LMLN: variants seen among roughly 807,000 people sequenced by gnomAD.
LMLN encodes the protein leishmanolysin-like peptidase.
A neutral mutation model predicts 92.3 loss-of-function variants in LMLN; 70 were observed. That is an observed-to-expected ratio of 0.76 (90% confidence interval 0.63 to 0.92). The LOEUF is 0.92. Among genes scored for constraint, LMLN ranks in the 40% least tolerant of loss-of-function variants. The pLI, the probability that LMLN is intolerant of heterozygous loss-of-function variation, is 0.00. For missense variants in LMLN, 691 were observed against 814.6 expected, an observed-to-expected ratio of 0.85 and a Z score of 1.85; for synonymous variants, 308 against 296.2, an observed-to-expected ratio of 1.04 and a Z score of -0.41.
At chr3:198,021,773 C>T (rs1722790843) in intron 13 of LMLN, among the ~76,000 whole-genome samples, 168 bp downstream of exon 14, 1 of 152,186 alleles carries the variant, frequency 6.6e-6, no homozygotes, top group Admixed American at 6.5e-5. Context: ...CTGCCTGTTT[C>T]TTCATCTGTA....
At chr3:198,020,936 T>TA (rs1560152935) in intron 12 of LMLN, among the ~76,000 whole-genome samples, 1 of 151,308 alleles carries the variant, frequency 6.6e-6, no homozygotes, top group African/African-American at 2.4e-5. Context: ...AAATTAATTT[T>TA]AAAAAAAAGG....
intron 10 of LMLN, among the ~76,000 whole-genome samples, chr3:197,997,467 A>G (rs1361591431): frequency 6.6e-6 from 1 of 152,214 alleles, no homozygotes; most frequent in Non-Finnish European, 1.5e-5. Context: ...ATCAGCAGCA[A>G]TAATAACCCA....
At chr3:197,980,723 A>C in intron 6 of LMLN, 1 of 416,650 alleles carries the variant, frequency 2.4e-6, no homozygotes. Context: ...GAAAGAGAGA[A>C]AAGTGAAGCA....
At position 198,007,081 on chromosome 3, in the gene LMLN, T is replaced by C. The variant is rs559508892; in HGVS notation, c.1232+7739T>C. On this transcript the variant is annotated intron_variant, in intron 11 of 15. Coordinates refer to ENST00000330198, the Ensembl canonical transcript of LMLN. ...CATGTATTTTGGGTATTTTGGGTAG[T>C]AGTAGTCCTTTGTCAGATATGTGGT... Among the ~76,000 whole-genome samples the C allele has an allele frequency of 2.2e-3, 341 of 152,302 alleles. 1 individual carries two copies. Among genetic ancestry groups the C allele is most frequent in the African/African-American group, 7.8e-3 (326 of 41,564 alleles).
At chr3:197,994,746 G>C (rs1376146492) in intron 9 of LMLN, 1 of 152,168 alleles carries the variant, frequency 6.6e-6, no homozygotes, top group Admixed American at 6.5e-5. Context: ...AAGAAGTGTT[G>C]GTGAGGATGT....
intron 6 of LMLN, among the ~76,000 whole-genome samples, chr3:197,983,735 T>G (rs1348715307): frequency 1.3e-5 from 2 of 152,142 alleles, no homozygotes; most frequent in African/African-American, 4.8e-5. Flanking sequence ...TATAATCAAG[T>G]ATGTCCTTTT....
At chr3:197,988,742 C>T (rs748450840) in intron 8 of LMLN, among the ~76,000 whole-genome samples, 4 of 151,936 alleles carry the variant, frequency 2.6e-5, no homozygotes, top group Non-Finnish European at 4.4e-5. Context: ...AGTGCTGTGG[C>T]GCGATCTCGG....
intron 1 of LMLN, among the ~76,000 whole-genome samples, chr3:197,962,308 AT>A (rs34477302): frequency 0.018 from 2,804 of 152,198 alleles, 40 homozygotes; most frequent in African/African-American, 0.037. Context: ...TGTGATAGTA[AT>A]TTATTCCTTT....
At chr3:198,013,476 C>T (rs1296404273) in intron 11 of LMLN, among the ~76,000 whole-genome samples, 2 of 136,052 alleles carry the variant, frequency 1.5e-5, no homozygotes, top group Non-Finnish European at 3.1e-5. Context: ...CATCAGAGCC[C>T]CCTAACTAGT....
chr3:197,983,147 GTATT>G (rs893850420), intron 6 of LMLN, among the ~76,000 whole-genome samples: 4 of 152,166 alleles, frequency 2.6e-5, no homozygotes, highest in Non-Finnish European at 4.4e-5. Context: ...AAAATATAAA[GTATT>G]TAACAATTTA....
chr3:198,030,434 C>T (rs890953389), intron 14 of LMLN, among the ~76,000 whole-genome samples: 3 of 152,158 alleles, frequency 2.0e-5, no homozygotes, highest in African/African-American at 7.2e-5. Flanking sequence ...GGATTTAAGA[C>T]CTTGTTTTTT....
chr3:198,007,224 T>C (rs1422831102), intron 11 of LMLN, among the ~76,000 whole-genome samples: 1 of 152,248 alleles, frequency 6.6e-6, no homozygotes, highest in Non-Finnish European at 1.5e-5. Flanking sequence ...CCTCTTACTG[T>C]GTCTTTGATG....
chr3:197,981,520 A>G (rs1218753605), intron 6 of LMLN, among the ~76,000 whole-genome samples: 2 of 152,222 alleles, frequency 1.3e-5, no homozygotes, highest in East Asian at 3.8e-4. Flanking sequence ...TGTTCATCTA[A>G]TTGTCATGTA....
At chr3:197,993,269 C>G (rs902192183) in intron 9 of LMLN, among the ~76,000 whole-genome samples, 2 of 152,042 alleles carry the variant, frequency 1.3e-5, no homozygotes, top group African/African-American at 4.8e-5. Flanking sequence ...CAAGAGCAGT[C>G]AGGCCATAGA....
chr3:197,977,560 CA>C (rs1392231314), intron 5 of LMLN, among the ~76,000 whole-genome samples: 3 of 125,744 alleles, frequency 2.4e-5, no homozygotes, highest in African/African-American at 9.1e-5. Flanking sequence ...ATCATCAAAC[CA>C]TCTGGAAGTA....
chr3:197,990,374 T>C (rs1362563969), intron 8 of LMLN, among the ~76,000 whole-genome samples, 185 bp from the exon 9 acceptor site: 1 of 152,126 alleles, frequency 6.6e-6, no homozygotes, highest in East Asian at 1.9e-4. Flanking sequence ...AAAAATTAAA[T>C]TTAAAAAAAT....
chr3:198,008,486 G>A (rs917681235), intron 11 of LMLN, among the ~76,000 whole-genome samples: 8 of 152,212 alleles, frequency 5.3e-5, no homozygotes, highest in Admixed American at 6.5e-5. Context: ...AGCACTTTGG[G>A]AGGCTGAGGC....
At chr3:198,003,589 T>C (rs1465614237) in intron 11 of LMLN, among the ~76,000 whole-genome samples, 2 of 150,472 alleles carry the variant, frequency 1.3e-5, no homozygotes, top group Non-Finnish European at 2.9e-5. Flanking sequence ...TATCTATATA[T>C]CATCTATACA....
At chr3:198,024,767 C>G (rs200374984) in exon 14 of LMLN, 6 of 1,609,042 alleles carry the variant, frequency 3.7e-6, no homozygotes, top group Non-Finnish European at 5.1e-6. Context: ...GTTACCCAGA[C>G]TGGGGAAGCG....
Sources: allele counts gnomAD v4.1 joint callset (sites outside exome capture counted in the v4.1 genomes callset), GRCh38; gene constraint gnomAD v4.1.1; transcripts MANE v1.5; gene names NCBI Gene and HGNC (gene_info 2026-07-23, HGNC 2026-07-21).